The following SPCS1 variants were observed in gnomAD, a reference collection of about 807,000 sequenced individuals.
SPCS1 encodes the protein SPase 12 kDa subunit.
A neutral mutation model predicts 16.4 loss-of-function variants in SPCS1; 10 were observed. The observed-to-expected ratio is 0.61, with a 90% CI of 0.38 to 1.03. SPCS1 has a LOEUF of 1.03. Ranked by LOEUF, SPCS1 falls within the 50% of genes least tolerant of loss-of-function variation. The pLI is 0.01. For synonymous variants in SPCS1, 47 were observed against 42.5 expected, an observed-to-expected ratio of 1.10 and a Z score of -0.41; for missense variants, 118 against 123.8, an observed-to-expected ratio of 0.95 and a Z score of 0.22.
rs1342735480 is a variant in SPCS1 at position 52,710,034 on chromosome 3, C to CA, written c.*2223dup. ...TCACCACTATATCCCCAGCTCCTGG[C>CA]AGAGAACCTGGCACACAGTAAACTC... is the stretch of plus-strand genomic sequence containing the variant. On this transcript the variant is annotated 3_prime_UTR_variant, in exon 4 of 4. Coordinates refer to ENST00000619898, the MANE Select transcript of SPCS1 (RefSeq NM_014041.5). 2 of 152,214 alleles carry CA rather than the reference C, an allele frequency of 1.3e-5. No individual in the cohort carries two copies. Among genetic ancestry groups the CA allele is most frequent in the Non-Finnish European group, 2.9e-5 (2 of 68,072 alleles). 9.4% of individuals were successfully genotyped at this position (152,214 alleles called of 1,614,324 possible).
In SPCS1 at chr3:52,706,162, C is replaced by A; in HGVS notation, c.-85C>A. ...CGGCTACTGACGCGCAGTGCCAGAC[C>A]TTACCCCTCACGGTCCTTAAGTCTC... On this transcript the variant is annotated 5_prime_UTR_variant, in exon 1 of 4. Coordinates refer to ENST00000619898, the MANE Select transcript of SPCS1 (RefSeq NM_014041.5). 1 of 1,545,184 alleles carries A rather than the reference C, an allele frequency of 6.5e-7. No individual in the cohort carries two copies. The highest frequency in any genetic ancestry group is 8.7e-7 in the Non-Finnish European group (1 of 1,149,244).
intron 1 of SPCS1, 51 bp from the exon 2 acceptor site, chr3:52,706,593 G>A: frequency 6.4e-7 from 1 of 1,553,724 alleles, no homozygotes; most frequent in Non-Finnish European, 8.9e-7. Context: ...GGCAGGAATT[G>A]TATGTTCTCG....
Position 52,707,922 on chromosome 3 carries a change from T to A in SPCS1, c.*110T>A. ...AATGCTCTTATGGCACAGCTGTGTA[T>A]AGATTTAGTTCTCTTTATACTTCAT... On this transcript the variant is annotated 3_prime_UTR_variant, in exon 4 of 4. Coordinates refer to ENST00000619898, the MANE Select transcript of SPCS1 (RefSeq NM_014041.5). 7.4e-7 allele frequency: 1 copy of A among 1,343,022 alleles called. No individual in the cohort carries two copies. Among genetic ancestry groups the A allele is most frequent in the Non-Finnish European group, 1.0e-6 (1 of 958,968 alleles). 83.2% of individuals were successfully genotyped at this position (1,343,022 alleles called of 1,614,324 possible). A position where few individuals can be genotyped will look rare whatever the true frequency, so the allele number is the denominator to read the frequency against.
intron 1 of SPCS1, 99 bp from the exon 2 acceptor site, chr3:52,706,545 G>A: frequency 2.6e-6 from 3 of 1,156,986 alleles, no homozygotes; most frequent in Non-Finnish European, 3.8e-6. Context: ...GGGAGACCCT[G>A]ATGTTGGGGT....
intron 1 of SPCS1, 44 bp downstream of exon 1, chr3:52,706,326 T>C: frequency 6.4e-7 from 1 of 1,572,138 alleles, no homozygotes; most frequent in South Asian, 1.1e-5. Context: ...TTCTTGTGCC[T>C]GGCAGCTTCG....
chr3:52,706,618 T>A, intron 1 of SPCS1, 26 bp from the exon 2 acceptor site: 1 of 1,610,798 alleles, frequency 6.2e-7, no homozygotes, highest in Non-Finnish European at 8.5e-7. Flanking sequence ...TGGAACCAAT[T>A]CTTTTTTTCC....
intron 3 of SPCS1, chr3:52,707,379 A>T (rs374398229): frequency 3.1e-4 from 80 of 255,578 alleles, no homozygotes; most frequent in African/African-American, 1.2e-3. Flanking sequence ...TGTGTTGGCC[A>T]GGCTGGTCTC....
At position 52,707,950 on chromosome 3, in the gene SPCS1, C is replaced by T; in HGVS notation, c.*138C>T. On this transcript the variant is annotated 3_prime_UTR_variant, in exon 4 of 4. Transcript: ENST00000619898. ...ATTTAGTTCTCTTTATACTTCATTT[C>T]TAGCCCAGTTGGGTTTTGATTTATA... 9.1e-7 allele frequency: 1 copy of T among 1,100,982 alleles called. No homozygotes were observed. Among genetic ancestry groups the T allele is most frequent in the Non-Finnish European group, 1.3e-6 (1 of 764,976 alleles). 68.2% of individuals were successfully genotyped at this position (1,100,982 alleles called of 1,614,324 possible).
rs939365720 is a variant in SPCS1, at chr3:52,709,431, G to A, written c.*1619G>A. On this transcript the variant is annotated 3_prime_UTR_variant, in exon 4 of 4. Coordinates refer to ENST00000619898, the MANE Select transcript of SPCS1 (RefSeq NM_014041.5). ...AATAAGAAAGTATGGGGGAAGTCAG[G>A]TGTGGTGGTTCATGCCTATAATCCC... The A allele has an allele frequency of 6.6e-6, 1 of 151,916 alleles. No individual in the cohort carries two copies. Among genetic ancestry groups the A allele is most frequent in the Admixed American group, 6.6e-5 (1 of 15,236 alleles). 9.4% of individuals were successfully genotyped at this position (151,916 alleles called of 1,614,324 possible).
At chr3:52,706,426 C>T in intron 1 of SPCS1, 144 bp downstream of exon 1, 1 of 940,864 alleles carries the variant, frequency 1.1e-6, no homozygotes, top group Non-Finnish European at 1.6e-6. Context: ...CCTCCTGGGT[C>T]CCCTTCTCTT....
intron 3 of SPCS1, chr3:52,707,100 ATAATCT>A: frequency 1.8e-6 from 1 of 548,534 alleles, no homozygotes. Flanking sequence ...ACTCTGGCTA[ATAATCT>A]TAAGGTCAAA....
rs1258085815 is a variant in SPCS1 at position 52,710,346 on chromosome 3, C to CA, written c.*2535dup. On this transcript the variant is annotated 3_prime_UTR_variant, in exon 4 of 4. Transcript: ENST00000619898. ...GGCCACTGCACTTCAGCCTGGGTGA[C>CA]AGAGCAAGACTGTGTCTTAAAAAAA... 2 of 141,082 alleles carry CA rather than the reference C, an allele frequency of 1.4e-5. No homozygotes were observed. The highest frequency in any genetic ancestry group is 5.4e-5 in the African/African-American group (2 of 37,340). 8.7% of individuals were successfully genotyped at this position (141,082 alleles called of 1,614,324 possible). A position where few individuals can be genotyped will look rare whatever the true frequency, so the allele number is the denominator to read the frequency against.
At chr3:52,706,590 A>G (rs898387684) in intron 1 of SPCS1, 54 bp from the exon 2 acceptor site, 33 of 1,539,268 alleles carry the variant, frequency 2.1e-5, no homozygotes, top group Non-Finnish European at 2.8e-5. Flanking sequence ...CAGGGCAGGA[A>G]TTGTATGTTC....
Position 52,707,764 on chromosome 3 carries a change from C to G in SPCS1, c.261C>G (p.Asp87Glu), listed in dbSNP as rs1233165849. 5 of 1,614,072 alleles carry G rather than the reference C, an allele frequency of 3.1e-6. No individual in the cohort carries two copies. Among genetic ancestry groups the G allele is most frequent in the East Asian group, 4.5e-5 (2 of 44,882 alleles). The change falls in exon 4 of 4, where the codon GAC becomes GAG. Residue 87 changes from aspartate to glutamate, a missense_variant. Coordinates refer to ENST00000619898, the MANE Select transcript of SPCS1 (RefSeq NM_014041.5). ...CTGTTCAAGAATCAAGCACAGACGA[C>G]AAGAAACCAGGGGAAAGAAAAATTA... Reference protein sequence around the residue: ...WLPVQESSTDDKKPGERKIKR... With the variant: ...WLPVQESSTDEKKPGERKIKR...
At position 52,706,225 on chromosome 3, in the gene SPCS1, C is replaced by A; in HGVS notation, c.-22C>A. Reference sequence around the variant, plus strand: ...CTCGCAGCCTGCCACCCGCGCTCAGCTGCCCGCCTCCTCAGCCAGCCATGC... The same window carrying A: ...CTCGCAGCCTGCCACCCGCGCTCAGATGCCCGCCTCCTCAGCCAGCCATGC... On this transcript the variant is annotated 5_prime_UTR_variant, in exon 1 of 4. It adds an upstream start codon to the 5' untranslated region. Transcript: ENST00000619898. 1 of 1,583,000 alleles carries A rather than the reference C, an allele frequency of 6.3e-7. No homozygotes were observed. Among genetic ancestry groups the A allele is most frequent in the Non-Finnish European group, 8.5e-7 (1 of 1,172,178 alleles).
intron 1 of SPCS1, 172 bp downstream of exon 1, chr3:52,706,454 C>G: frequency 2.4e-6 from 2 of 831,570 alleles, no homozygotes; most frequent in East Asian, 2.7e-5. Flanking sequence ...GCGAGAATCT[C>G]CTGTCCATTC....
At chr3:52,707,663 T>C (rs764680879) in intron 3 of SPCS1, 24 bp from the exon 4 acceptor site, 6 of 1,608,822 alleles carry the variant, frequency 3.7e-6, no homozygotes, top group Non-Finnish European at 4.2e-6. Context: ...CTATAATTTA[T>C]GCATTTCCTC....
In SPCS1 at chr3:52,706,382, C is replaced by T. The variant is rs913765550; in HGVS notation, c.36+100C>T. 22 of 1,308,688 alleles carry T rather than the reference C, an allele frequency of 1.7e-5. No homozygotes were observed. In the Admixed American group the frequency reaches 4.0e-4, roughly 24 times the overall value. The allele number at this position is 1,308,688 out of a possible 1,614,324, so 81.1% of individuals were successfully genotyped here. ...ACCCGGTGCTGCGCTGTTCCGGGCC[C>T]GGATGGTTACCGTCCACCCTCTTTC... On this transcript the variant is annotated intron_variant, in intron 1 of 3. Coordinates refer to ENST00000619898, the MANE Select transcript of SPCS1 (RefSeq NM_014041.5).
Position 52,710,716 on chromosome 3 carries a change from C to G in SPCS1, c.*2904C>G, listed in dbSNP as rs943629052. The G allele has an allele frequency of 1.3e-5, 2 of 151,596 alleles. No individual in the cohort carries two copies. The highest frequency in any genetic ancestry group is 4.9e-5 in the African/African-American group (2 of 41,234). 9.4% of individuals were successfully genotyped at this position (151,596 alleles called of 1,614,324 possible). On this transcript the variant is annotated 3_prime_UTR_variant, in exon 4 of 4. Transcript: ENST00000619898. Reference sequence around the variant, plus strand: ...AGTGGAGGTTGCAGTGAGTTGAGATCATGCCACTGCACTCCAGCCTGACTG... The same window carrying G: ...AGTGGAGGTTGCAGTGAGTTGAGATGATGCCACTGCACTCCAGCCTGACTG...
Sources: allele counts gnomAD v4.1 joint callset, GRCh38; gene constraint gnomAD v4.1.1; transcripts MANE v1.5; gene names NCBI Gene and HGNC (gene_info 2026-07-23, HGNC 2026-07-21).